NBPF20: variants seen among roughly 807,000 people sequenced by gnomAD.
The protein encoded by NBPF20 is NBPF family member NBPF20.
In NBPF20, 90 loss-of-function variants were observed where a neutral mutation model predicts 68.1. The ratio of observed to expected loss-of-function variants is 1.32; its 90% confidence interval spans 1.11 to 1.58. NBPF20 has a LOEUF of 1.58. NBPF20 is among the 40% of genes most tolerant of loss of function. The pLI is 0.00. For missense variants in NBPF20, 816 were observed against 601.2 expected (o/e 1.36, Z -3.74); for synonymous variants, 290 against 228.1 (o/e 1.27, Z -2.45).
chr1:145,404,825 G>T (rs1662691326), intron 2 of NBPF20, among the ~76,000 whole-genome samples: 2 of 150,816 alleles, frequency 1.3e-5, no homozygotes, highest in African/African-American at 5.0e-5. Flanking sequence ...ACATGATTGA[G>T]CCTCTTGGAG....
At chr1:145,291,825 C>G in intron 137 of NBPF20, 56 bp from the exon 143 acceptor site, 2 of 1,611,468 alleles carry the variant, frequency 1.2e-6, no homozygotes, top group African/African-American at 1.3e-5. Flanking sequence ...AACCACAGAG[C>G]CCCACTAGAT....
rs781916226 is a variant in NBPF20 at position 145,405,065 on chromosome 1, T to C, written c.175+33A>G. On this transcript the variant is annotated intron_variant, in intron 2 of 137. Coordinates refer to ENST00000369373, the Ensembl canonical transcript of NBPF20. ...GTCTCAGAAGACAGGACATCATTCA[T>C]CACTTTCATGATGGTGAGCCTATAG... 6.2e-6 allele frequency: 10 copies of C among 1,612,790 alleles called. No homozygotes were observed. In the African/African-American group the frequency reaches 1.1e-4, roughly 17 times the overall value.
chr1:145,415,006 C>A, the NBPF20 span, among the ~76,000 whole-genome samples: 1 of 152,158 alleles, frequency 6.6e-6, no homozygotes, highest in Non-Finnish European at 1.5e-5. Flanking sequence ...GTTCAGCATA[C>A]GGAGGACCCA....
chr1:145,407,316 T>C (rs1379227582), upstream of NBPF20, among the ~76,000 whole-genome samples: 1 of 142,944 alleles, frequency 7.0e-6, no homozygotes, highest in Non-Finnish European at 1.5e-5. Flanking sequence ...TTAGGAGAAA[T>C]ACCTAATGTA....
rs879991467 is a variant in NBPF20, at chr1:145,405,549, C to T, written c.-175G>A. 1.4e-3 allele frequency: 1,591 copies of T among 1,114,026 alleles called. 22 individuals carry two copies. The South Asian group carries it at 0.016, about 11-fold the overall frequency. The allele number at this position is 1,114,026 out of a possible 1,614,324, so 69.0% of individuals were successfully genotyped here. A position where few individuals can be genotyped will look rare whatever the true frequency, so the allele number is the denominator to read the frequency against. On this transcript the variant is annotated 5_prime_UTR_variant, in exon 1 of 138. Transcript: ENST00000369373. ...TAAGAGTGAGGTAGATTGTGGCCAGCGTGCCAGGTAACCGTCTGCAGTTGC... is the reference window on the plus strand; with the variant it reads ...TAAGAGTGAGGTAGATTGTGGCCAGTGTGCCAGGTAACCGTCTGCAGTTGC...
Position 145,397,241 on chromosome 1 carries a change from G to A in NBPF20, c.827+1808C>T, listed in dbSNP as rs1159001819. Among the ~76,000 whole-genome samples the A allele has an allele frequency of 1.5e-3, 232 of 151,314 alleles. 2 individuals are homozygous for A. Among genetic ancestry groups the A allele is most frequent in the African/African-American group, 5.5e-3 (228 of 41,186 alleles). ...CCACAATAAACATATGTGTGCATGT[G>A]TCTTTACAGCAGCATGATTTATAAT... On this transcript the variant is annotated intron_variant, in intron 7 of 137. Transcript: ENST00000369373.
intron 129 of NBPF20, among the ~76,000 whole-genome samples, chr1:145,298,336 A>C (rs1661339462): frequency 7.1e-6 from 1 of 139,962 alleles, no homozygotes; most frequent in African/African-American, 3.1e-5. Flanking sequence ...AGATAGACAC[A>C]CACACACACA....
chr1:145,290,334 G>C (rs1660985432), exon 138 of NBPF20: 1 of 149,436 alleles, frequency 6.7e-6, no homozygotes, highest in Admixed American at 6.6e-5. Context: ...CCTTAACCAA[G>C]TAACCAGTCC....
exon 137 of NBPF20, chr1:145,292,484 C>T (rs781807769): frequency 2.8e-6 from 2 of 712,840 alleles, no homozygotes; most frequent in East Asian, 2.5e-5. Flanking sequence ...CCCTTCTTTT[C>T]AATTTCTGCA....
At chr1:145,396,308 A>G (rs1662230973) in intron 7 of NBPF20, among the ~76,000 whole-genome samples, 3 of 151,956 alleles carry the variant, frequency 2.0e-5, no homozygotes, top group African/African-American at 4.8e-5. Context: ...TAGAGAAAAA[A>G]GAGTAAAAAG....
In NBPF20 at chr1:145,393,742, G is replaced by T. The variant is rs1320514669; in HGVS notation, c.1043+142C>A. ...GAAACCTAAACATGTACTCTAATGA[G>T]AACCAGAAAGCAATGTAGTAGGCAT... On this transcript the variant is annotated intron_variant, in intron 9 of 137. Transcript: ENST00000369373. 11 of 1,513,938 alleles carry T rather than the reference G, an allele frequency of 7.3e-6. 1 individual carries two copies. The highest frequency in any genetic ancestry group is 5.5e-5 in the African/African-American group (4 of 72,804). 93.8% of individuals were successfully genotyped at this position (1,513,938 alleles called of 1,614,324 possible). A position where few individuals can be genotyped will look rare whatever the true frequency, so the allele number is the denominator to read the frequency against.
At chr1:145,393,706 A>T (rs1217619662) in intron 9 of NBPF20, 178 bp downstream of exon 14, 1 of 1,474,316 alleles carries the variant, frequency 6.8e-7, no homozygotes, top group Non-Finnish European at 9.3e-7. Context: ...TGATAAGGGT[A>T]GGAAGAAATG....
upstream of NBPF20, among the ~76,000 whole-genome samples, chr1:145,406,633 T>C (rs1486506740): frequency 2.3e-4 from 35 of 149,958 alleles, 2 homozygotes; most frequent in African/African-American, 8.4e-4. Flanking sequence ...ATGCCAGGTG[T>C]GTAGTGATAT....
the NBPF20 span, among the ~76,000 whole-genome samples, chr1:145,411,124 AT>A: frequency 1.0e-4 from 15 of 145,608 alleles, 1 homozygote; most frequent in Non-Finnish European, 2.3e-4. Flanking sequence ...CTATTTTATT[AT>A]TCTTGATCAT....
At chr1:145,421,952 T>C in the NBPF20 span, among the ~76,000 whole-genome samples, 1 of 151,950 alleles carries the variant, frequency 6.6e-6, no homozygotes, top group Admixed American at 6.6e-5. Flanking sequence ...GTGGGCAGAC[T>C]GCTTGAGCCT....
intron 136 of NBPF20, 79 bp from the exon 142 acceptor site, chr1:145,292,568 A>T (rs587645462): frequency 6.8e-6 from 5 of 735,612 alleles, no homozygotes; most frequent in African/African-American, 1.9e-5. Flanking sequence ...TAATCCTCAC[A>T]CAGGGACCTC....
At chr1:145,312,090 A>G (rs1365990980) in intron 112 of NBPF20, 118 bp downstream of exon 117, 7 of 73,840 alleles carry the variant, frequency 9.5e-5, no homozygotes, top group African/African-American at 2.4e-4. Context: ...ACATGTGCCT[A>G]TAGGACCTCC....
At chr1:145,419,148 G>A in the NBPF20 span, among the ~76,000 whole-genome samples, 5,563 of 135,972 alleles carry the variant, frequency 0.041, 477 homozygotes, top group African/African-American at 0.15. Context: ...AGGAAGGAAG[G>A]AAGGAAGGGA....
chr1:145,404,229 G>C (rs1662660385), intron 2 of NBPF20, among the ~76,000 whole-genome samples: 1 of 139,968 alleles, frequency 7.1e-6, no homozygotes, highest in Admixed American at 7.4e-5. Context: ...GCTACTCTCT[G>C]CTTTTTATTT....
Sources: gnomAD v4.1 joint callset for allele counts (sites outside exome capture counted in the v4.1 genomes callset) on GRCh38, gnomAD v4.1.1 for gene constraint, MANE v1.5 for transcripts, NCBI Gene and HGNC (gene_info 2026-07-23, HGNC 2026-07-21) for gene names.